Variants in CDCP2 observed in about 807,000 individuals in gnomAD.
The protein encoded by CDCP2 is CUB domain containing protein 2, also known as CUB domain-containing protein 2.
CDCP2 carries 31 observed loss-of-function variants against 31.0 expected under a neutral mutation model. The observed-to-expected ratio is 1.00, with a 90% confidence interval of 0.75 to 1.35. The LOEUF is 1.35. Among genes scored for constraint, CDCP2 ranks in the 40% most tolerant of loss-of-function variants. The probability of loss-of-function intolerance (pLI) is 0.00; values close to 1 mark genes in which losing one functional copy is unlikely to be tolerated. For missense variants in CDCP2, 443 were observed against 482.6 expected, an observed-to-expected ratio of 0.92 and a Z score of 0.77; for synonymous variants, 206 against 207.9, an observed-to-expected ratio of 0.99 and a Z score of 0.08.
At position 54,148,764 on chromosome 1, in the gene CDCP2, C is replaced by T. The variant is rs573745827; in HGVS notation, c.80-3951G>A. ...AAAGAGTCAAGGCCGGGTGCCATGG[C>T]TCACACCTGTAATCCCAGCACTTTG... On this transcript the variant is annotated intron_variant, in intron 1 of 5. Coordinates refer to ENST00000530059, the Ensembl canonical transcript of CDCP2. Among the ~76,000 whole-genome samples the T allele has an allele frequency of 1.2e-3, 187 of 150,618 alleles. 2 individuals are homozygous for T. Among genetic ancestry groups the T allele is most frequent in the African/African-American group, 4.3e-3 (175 of 40,666 alleles).
At chr1:54,134,802 C>A (rs1044245851) in intron 5 of CDCP2, among the ~76,000 whole-genome samples, 3 of 151,740 alleles carry the variant, frequency 2.0e-5, no homozygotes, top group African/African-American at 2.4e-5. Flanking sequence ...GTGGCATGAT[C>A]TTGGCTCACT....
chr1:54,152,910 A>C (rs1570075890), exon 1 of CDCP2: 6 of 1,613,682 alleles, frequency 3.7e-6, no homozygotes, highest in Non-Finnish European at 5.1e-6. Context: ...CAAGCCCCCC[A>C]CTCTGCCAGC....
intron 5 of CDCP2, among the ~76,000 whole-genome samples, chr1:54,134,401 C>T (rs1448785616): frequency 6.6e-6 from 1 of 152,220 alleles, no homozygotes; most frequent in African/African-American, 2.4e-5. Flanking sequence ...ATGAAGGAGT[C>T]GAGTGGCCCT....
chr1:54,152,517 C>A (rs992803938), intron 1 of CDCP2, among the ~76,000 whole-genome samples: 1 of 152,080 alleles, frequency 6.6e-6, no homozygotes, highest in African/African-American at 2.4e-5. Flanking sequence ...GGAGCCATTC[C>A]TTTCAACCTT....
chr1:54,137,459 A>G (rs1398502785), intron 4 of CDCP2, among the ~76,000 whole-genome samples: 1 of 152,214 alleles, frequency 6.6e-6, no homozygotes, highest in East Asian at 1.9e-4. Flanking sequence ...TTCCCTCCCT[A>G]CAATGACCCC....
At position 54,141,342 on chromosome 1, in the gene CDCP2, C is replaced by T. The variant is rs1273822100; in HGVS notation, c.519G>A (p.Trp173Ter). 1.2e-6 allele frequency: 2 copies of T among 1,613,998 alleles called. No homozygotes were observed. Among genetic ancestry groups the T allele is most frequent in the Middle Eastern group, 1.6e-4 (1 of 6,082 alleles). ...GGGCAGGGCCAGCGGCCCGGATCACCCAGTGGCACTCCATGCTGTTCGGGT... is the reference window on the plus strand; with the variant it reads ...GGGCAGGGCCAGCGGCCCGGATCACTCAGTGGCACTCCATGCTGTTCGGGT... The change falls in exon 3 of 6, where the codon TGG becomes TGA. Residue 173 changes from tryptophan (W) to a stop codon, truncating the protein, a stop_gained. Transcript: ENST00000530059. LOFTEE classifies it high-confidence loss of function.
intron 1 of CDCP2, among the ~76,000 whole-genome samples, chr1:54,145,259 C>T (rs1659444056): frequency 6.6e-6 from 1 of 152,102 alleles, no homozygotes; most frequent in Non-Finnish European, 1.5e-5. Flanking sequence ...AATCCCATCT[C>T]TACTAAAAAT....
intron 1 of CDCP2, among the ~76,000 whole-genome samples, chr1:54,149,757 G>T (rs1048350417): frequency 6.6e-6 from 1 of 152,132 alleles, no homozygotes; most frequent in Admixed American, 6.5e-5. Flanking sequence ...TCTCCCTACC[G>T]TATTGCAAGC....
At chr1:54,138,656 G>A (rs1013015883) in intron 4 of CDCP2, 1 of 152,258 alleles carries the variant, frequency 6.6e-6, no homozygotes, top group Non-Finnish European at 1.5e-5. Flanking sequence ...CCTCTTGGAT[G>A]ATAAGTAAAT....
In CDCP2 at chr1:54,136,019, TA is replaced by T. The variant is rs545652412; in HGVS notation, c.1296+610del. ...CTGCCCAGTGACTCTGTGAGGGCCC[TA>T]AGTCTGGGTTCACGGCCTCCAAAAT... On this transcript the variant is annotated intron_variant, in intron 5 of 5. Coordinates refer to ENST00000530059, the Ensembl canonical transcript of CDCP2. 1.2e-4 allele frequency among the ~76,000 whole-genome samples: 18 copies of T among 152,280 alleles called. No homozygotes were observed. The South Asian group carries it at 3.5e-3, about 30-fold the overall frequency.
At chr1:54,147,762 A>G (rs1451379088) in intron 1 of CDCP2, among the ~76,000 whole-genome samples, 1 of 151,786 alleles carries the variant, frequency 6.6e-6, no homozygotes, top group African/African-American at 2.4e-5. Flanking sequence ...TAATCCCAGC[A>G]ATTTGGGAGG....
At chr1:54,137,366 G>A (rs1196100106) in intron 4 of CDCP2, among the ~76,000 whole-genome samples, 1 of 152,130 alleles carries the variant, frequency 6.6e-6, no homozygotes, top group Non-Finnish European at 1.5e-5. Flanking sequence ...AAGAAACAGC[G>A]GGAGAGTAGA....
chr1:54,143,221 T>G (rs1459978395), intron 2 of CDCP2, among the ~76,000 whole-genome samples: 1 of 152,036 alleles, frequency 6.6e-6, no homozygotes, highest in Non-Finnish European at 1.5e-5. Context: ...GCGCCTGTAA[T>G]CCCAGCTACT....
chr1:54,139,769 A>G lies in CDCP2; in HGVS notation c.1101T>C (p.Ser367=), dbSNP rs140333202. The G allele has an allele frequency of 5.9e-4, 954 of 1,614,224 alleles. 6 individuals carry two copies. The African/African-American group carries it at 0.011, about 18-fold the overall frequency. ...CCAGCTGACCTCCGATGTAGGCCAC[A>G]GAGAAGCCCCTGCGGGTGGTGCTGC... Residue 367 remains serine (S), a synonymous_variant, in exon 4 of 6, where the codon TCT becomes TCC. Transcript: ENST00000530059.
At chr1:54,141,599 C>T in intron 2 of CDCP2, 166 bp from the exon 3 acceptor site, 1 of 609,592 alleles carries the variant, frequency 1.6e-6, no homozygotes. Flanking sequence ...AGCACGTGCT[C>T]AGGCCCAGCA....
At position 54,144,816 on chromosome 1, in the gene CDCP2, G is replaced by A. The variant is rs1482406657; in HGVS notation, c.80-3C>T. 6.2e-7 allele frequency: 1 copy of A among 1,603,382 alleles called. No individual in the cohort carries two copies. Among genetic ancestry groups the A allele is most frequent in the South Asian group, 1.1e-5 (1 of 89,592 alleles). On this transcript the variant is annotated splice_region_variant and splice_polypyrimidine_tract_variant and intron_variant, in intron 1 of 5. Transcript: ENST00000530059. ...GAGCACACCCCCACATTTGACACCT[G>A]GGGCAAGAGAGAAGTATGGCTGAGA... is the stretch of plus-strand genomic sequence containing the variant.
At chr1:54,144,191 A>G (rs1161413352) in intron 2 of CDCP2, 2 of 363,410 alleles carry the variant, frequency 5.5e-6, no homozygotes, top group Non-Finnish European at 1.0e-5. Context: ...AAGCATGGTC[A>G]TGAACAGTGA....
rs1393835413 is a variant in CDCP2, at chr1:54,136,898, G to A, written c.1118-90C>T. On this transcript the variant is annotated intron_variant, in intron 4 of 5. Transcript: ENST00000530059. ...ACCCCCTACCCTCCCACAAAGGGTG[G>A]TGGATGGGGAAACTGAGGCCCAGAG... 4 of 398,626 alleles carry A rather than the reference G, an allele frequency of 1.0e-5. No homozygotes were observed. The East Asian group carries it at 1.4e-4, about 14-fold the overall frequency. The allele number at this position is 398,626 out of a possible 1,614,324, so 24.7% of individuals were successfully genotyped here.
In CDCP2 at chr1:54,139,734, C is replaced by T; in HGVS notation, c.1117+19G>A. ...CTCCCCTTCGCCCTCAGTGGACCCA[C>T]TCCCACAGCCCAGCTGACCTCCGAT... On this transcript the variant is annotated intron_variant, in intron 4 of 5. Transcript: ENST00000530059. 13 of 1,614,248 alleles carry T rather than the reference C, an allele frequency of 8.1e-6. No individual in the cohort carries two copies. The highest frequency in any genetic ancestry group is 1.1e-5 in the Non-Finnish European group (13 of 1,180,052).
Sources: allele counts gnomAD v4.1 joint callset (sites outside exome capture counted in the v4.1 genomes callset), GRCh38; gene constraint gnomAD v4.1.1; transcripts MANE v1.5; gene names NCBI Gene and HGNC (gene_info 2026-07-23, HGNC 2026-07-21).